WNK2: variants seen among roughly 807,000 people sequenced by gnomAD.
The protein encoded by WNK2 is WNK lysine deficient protein kinase 2.
WNK2 carries 67 observed loss-of-function variants against 192.1 expected under a neutral mutation model. The observed-to-expected ratio is 0.35, with a 90% confidence interval of 0.29 to 0.43. WNK2 has a LOEUF of 0.43. Among genes scored for constraint, WNK2 ranks in the 20% least tolerant of loss-of-function variants. The pLI, the probability that WNK2 is intolerant of heterozygous loss-of-function variation, is 1.00. For missense variants in WNK2, 2,698 were observed against 3,089.7 expected, an observed-to-expected ratio of 0.87 and a Z score of 3.01; for synonymous variants, 1,439 against 1,393.9, an observed-to-expected ratio of 1.03 and a Z score of -0.72.
chr9:93,207,161 A>T (rs1278283425), intron 2 of WNK2, among the ~76,000 whole-genome samples: 1 of 152,142 alleles, frequency 6.6e-6, no homozygotes, highest in Non-Finnish European at 1.5e-5. Flanking sequence ...CATTATTGTT[A>T]ACCCGTTATC....
intron 7 of WNK2, among the ~76,000 whole-genome samples, chr9:93,241,577 G>T (rs1326210108): frequency 1.3e-5 from 2 of 152,232 alleles, no homozygotes; most frequent in Non-Finnish European, 2.9e-5. Flanking sequence ...AGTGGAGGGG[G>T]TTGCAGAGAG....
intron 28 of WNK2, chr9:93,308,956 G>A (rs1853131176): frequency 2.8e-6 from 3 of 1,083,502 alleles, no homozygotes; most frequent in East Asian, 1.3e-4. Context: ...TGCCCAGGCT[G>A]GAGACCAGGG....
Position 93,292,653 on chromosome 9 carries a change from C to T in WNK2, c.5188C>T (p.Arg1730Trp), listed in dbSNP as rs545614693. ...CGGCGCTCGAGCTTTGGGGTCCCCT[C>T]GGAAACGTCCAGAGCAGCAGGATGT... Reference protein sequence around the residue: ...TLGARALGSPRKRPEQQDVSS... With the variant: ...TLGARALGSPWKRPEQQDVSS... Residue 1730 changes from arginine to tryptophan, a missense_variant, in exon 23 of 30, where the codon CGG becomes TGG. This residue lies in a region of WNK2 where 1,098 missense variants were observed against 1,101.0 expected (regional missense o/e 1.00). Transcript: ENST00000427277. 11 of 1,580,068 alleles carry T rather than the reference C, an allele frequency of 7.0e-6. No homozygotes were observed. The highest frequency in any genetic ancestry group is 4.1e-5 in the African/African-American group (3 of 73,824).
chr9:93,295,059 C>T (rs939712358), intron 23 of WNK2, among the ~76,000 whole-genome samples: 3 of 152,110 alleles, frequency 2.0e-5, no homozygotes, highest in African/African-American at 7.2e-5. Flanking sequence ...TTGGGGTTTC[C>T]TAGGGCTCCA....
intron 2 of WNK2, among the ~76,000 whole-genome samples, chr9:93,209,499 A>G (rs1225006050): frequency 6.6e-6 from 1 of 152,192 alleles, no homozygotes; most frequent in African/African-American, 2.4e-5. Flanking sequence ...ACCCTGGCTG[A>G]GGCCTCAGGA....
chr9:93,217,613 C>T (rs911617143), intron 2 of WNK2, among the ~76,000 whole-genome samples: 2 of 152,204 alleles, frequency 1.3e-5, no homozygotes, highest in African/African-American at 4.8e-5. Flanking sequence ...TAACCTCACC[C>T]CCATGCTGCT....
chr9:93,186,390 TTA>T (rs1475254890), intron 2 of WNK2, among the ~76,000 whole-genome samples: 1 of 152,086 alleles, frequency 6.6e-6, no homozygotes, highest in East Asian at 1.9e-4. Flanking sequence ...CCCTGCAAGA[TTA>T]TATAAACAGC....
At chr9:93,185,906 A>T (rs1829228283) in intron 2 of WNK2, among the ~76,000 whole-genome samples, 1 of 152,136 alleles carries the variant, frequency 6.6e-6, no homozygotes, top group African/African-American at 2.4e-5. Context: ...AGGGTCCTGG[A>T]GAGTGGGCCT....
chr9:93,300,370 A>G, intron 26 of WNK2: 1 of 412,680 alleles, frequency 2.4e-6, no homozygotes, highest in Non-Finnish European at 4.3e-6. Context: ...GTGCATGCTC[A>G]TGGCTGGTGC....
intron 26 of WNK2, among the ~76,000 whole-genome samples, chr9:93,302,818 G>A (rs1238341317): frequency 6.6e-6 from 1 of 152,220 alleles, no homozygotes; most frequent in East Asian, 1.9e-4. Flanking sequence ...GAACCCCTGT[G>A]AGCTGGGCCC....
intron 2 of WNK2, among the ~76,000 whole-genome samples, chr9:93,195,425 G>A (rs140027238): frequency 3.9e-5 from 6 of 152,216 alleles, no homozygotes; most frequent in South Asian, 2.1e-4. Flanking sequence ...TGGGCCAGGC[G>A]CGGTGGCTCA....
intron 26 of WNK2, among the ~76,000 whole-genome samples, chr9:93,305,757 G>A (rs1264148754): frequency 6.6e-6 from 1 of 152,244 alleles, no homozygotes; most frequent in Non-Finnish European, 1.5e-5. Flanking sequence ...CAAGATCAGA[G>A]TCGCTCCTTT....
intron 19 of WNK2, among the ~76,000 whole-genome samples, chr9:93,275,732 GAACT>G (rs1188241336): frequency 6.6e-6 from 1 of 152,184 alleles, no homozygotes; most frequent in Non-Finnish European, 1.5e-5. Context: ...ACAACTTCTA[GAACT>G]AATAAGTGAG....
chr9:93,275,654 GAAAT>G (rs1481279097), intron 19 of WNK2, among the ~76,000 whole-genome samples: 4 of 152,146 alleles, frequency 2.6e-5, no homozygotes, highest in Admixed American at 2.6e-4. Flanking sequence ...TAAAAAGAAA[GAAAT>G]AAAACTATCT....
intron 2 of WNK2, among the ~76,000 whole-genome samples, chr9:93,204,279 A>G (rs764580815): frequency 1.6e-4 from 25 of 152,168 alleles, no homozygotes; most frequent in Admixed American, 1.3e-4. Flanking sequence ...CTGGGTGCTC[A>G]ACATTTCTGC....
Position 93,298,208 on chromosome 9 carries a change from C to T in WNK2, c.5923+141C>T. 4 of 979,370 alleles carry T rather than the reference C, an allele frequency of 4.1e-6. No individual in the cohort carries two copies. The South Asian group carries it at 6.4e-5, about 16-fold the overall frequency. 60.7% of individuals were successfully genotyped at this position (979,370 alleles called of 1,614,324 possible). Reference sequence around the variant, plus strand: ...TATCTCCTTACTGAATCTCCTTTCCCTGGAGCAGGGGAGTCATTGCAGCAT... The same window carrying T: ...TATCTCCTTACTGAATCTCCTTTCCTTGGAGCAGGGGAGTCATTGCAGCAT... On this transcript the variant is annotated intron_variant, in intron 24 of 29. Transcript: ENST00000427277.
At chr9:93,204,651 A>T (rs1379111069) in intron 2 of WNK2, among the ~76,000 whole-genome samples, 1 of 152,216 alleles carries the variant, frequency 6.6e-6, no homozygotes, top group East Asian at 1.9e-4. Context: ...GTGTGACAGG[A>T]TGGGACAGAG....
In WNK2 at chr9:93,250,497, G is replaced by T. The variant is rs140004114; in HGVS notation, c.1835-2386G>T. Among the ~76,000 whole-genome samples the T allele has an allele frequency of 5.3e-5, 8 of 152,348 alleles. No homozygotes were observed. The East Asian group carries it at 1.5e-3, about 29-fold the overall frequency. ...CATAGCCTTCTGCACCTTGCTCTGG[G>T]ATATGCTGGGTAAGAGCAGGAACCC... On this transcript the variant is annotated intron_variant, in intron 8 of 29. Coordinates refer to ENST00000427277, the MANE Select transcript of WNK2 (RefSeq NM_006648.4).
At chr9:93,266,208 TG>T (rs1343404205) in intron 16 of WNK2, among the ~76,000 whole-genome samples, 1 of 152,194 alleles carries the variant, frequency 6.6e-6, no homozygotes, top group Non-Finnish European at 1.5e-5. Context: ...GCCCGCCCTG[TG>T]GACTGTCTTT....
Sources: allele counts gnomAD v4.1 joint callset (sites outside exome capture counted in the v4.1 genomes callset), GRCh38; gene constraint gnomAD v4.1.1; regional missense constraint gnomAD v4.1.1; transcripts MANE v1.5; gene names NCBI Gene and HGNC (gene_info 2026-07-23, HGNC 2026-07-21).